The following PUM2 variants were observed in gnomAD, a reference collection of about 807,000 sequenced individuals.
PUM2 encodes pumilio RNA binding family member 2.
A neutral mutation model predicts 124.5 loss-of-function variants in PUM2; 57 were observed. The observed-to-expected ratio is 0.46, with a 90% CI of 0.37 to 0.57. The LOEUF (loss-of-function observed/expected upper bound fraction) is 0.57. PUM2 is among the 20% of genes least tolerant of loss of function. The probability of loss-of-function intolerance (pLI) is 0.00; values close to 1 mark genes in which losing one functional copy is unlikely to be tolerated. For synonymous variants in PUM2, 460 were observed against 446.1 expected (o/e 1.03, Z -0.39); for missense variants, 1,065 against 1,290.6 (o/e 0.83, Z 2.68).
intron 13 of PUM2, among the ~76,000 whole-genome samples, chr2:20,270,870 G>C (rs1032390062): frequency 1.3e-5 from 2 of 151,982 alleles, no homozygotes; most frequent in Non-Finnish European, 2.9e-5. Flanking sequence ...TAATCTAGTG[G>C]AGAAAATAAA....
Position 20,256,036 on chromosome 2 carries a change from T to C in PUM2, c.2619A>G (p.Gly873=), listed in dbSNP as rs1440911636. 1 of 1,548,578 alleles carries C rather than the reference T, an allele frequency of 6.5e-7. No individual in the cohort carries two copies. The highest frequency in any genetic ancestry group is 1.4e-5 in the African/African-American group (1 of 70,678). Residue 873 remains glycine, a synonymous_variant, in exon 17 of 21, where the codon GGA becomes GGG. Coordinates refer to ENST00000361078, the MANE Select transcript of PUM2 (RefSeq NM_015317.5). ...ATAAGCCAAAACTCAAACATACTTG[T>C]CCCTTGAAAGCATCAATGATGAACT... ...SLQFIIDAFK[G]QVFVLSTHPY... is the part of the protein sequence containing the mutation.
chr2:20,341,966 C>T (rs558881609), intron 1 of PUM2, among the ~76,000 whole-genome samples: 1 of 151,814 alleles, frequency 6.6e-6, no homozygotes, highest in African/African-American at 2.4e-5. Flanking sequence ...GCCGTCTCTA[C>T]TAAAATATAA....
At chr2:20,334,917 A>G (rs1455363058) in intron 1 of PUM2, among the ~76,000 whole-genome samples, 1 of 152,188 alleles carries the variant, frequency 6.6e-6, no homozygotes, top group Non-Finnish European at 1.5e-5. Context: ...TAAGCTTCTT[A>G]GGACATATTC....
intron 20 of PUM2, 134 bp from the exon 21 acceptor site, chr2:20,251,850 T>G (rs1415858492): frequency 2.7e-6 from 3 of 1,124,330 alleles, no homozygotes; most frequent in Non-Finnish European, 3.7e-6. Flanking sequence ...GAAAGCTACT[T>G]TTTGCAAAAG....
intron 4 of PUM2, 130 bp downstream of exon 4, chr2:20,312,106 C>A (rs1240874685): frequency 1.4e-5 from 11 of 792,942 alleles, no homozygotes; most frequent in Non-Finnish European, 3.8e-6. Flanking sequence ...AGAAGAATAG[C>A]AATAATAGTT....
chr2:20,265,868 C>A (rs988642958), intron 13 of PUM2, among the ~76,000 whole-genome samples: 6 of 143,844 alleles, frequency 4.2e-5, no homozygotes, highest in African/African-American at 1.5e-4. Context: ...ACCTCAAACA[C>A]CCTTAATGCA....
intron 2 of PUM2, among the ~76,000 whole-genome samples, chr2:20,324,132 A>G (rs1683094575): frequency 6.6e-6 from 1 of 152,180 alleles, no homozygotes; most frequent in Admixed American, 6.5e-5. Flanking sequence ...AAGAGCTTAT[A>G]TTAAAGCAAG....
intron 16 of PUM2, among the ~76,000 whole-genome samples, chr2:20,257,419 C>T (rs1665078206): frequency 6.6e-6 from 1 of 152,152 alleles, no homozygotes; most frequent in Non-Finnish European, 1.5e-5. Flanking sequence ...TCTTTCCAAA[C>T]TTAAACTACC....
intron 10 of PUM2, among the ~76,000 whole-genome samples, chr2:20,287,936 A>C (rs528392542): frequency 4.5e-4 from 69 of 152,352 alleles, no homozygotes; most frequent in African/African-American, 1.4e-3. Context: ...AGTGCCTGCA[A>C]CATAAAAGTA....
In PUM2 at chr2:20,338,887, A is replaced by G. The variant is rs534259745; in HGVS notation, c.-18-11509T>C. 8.5e-5 allele frequency among the ~76,000 whole-genome samples: 13 copies of G among 152,346 alleles called. No homozygotes were observed. In the South Asian group the frequency reaches 2.7e-3, roughly 32 times the overall value. On this transcript the variant is annotated intron_variant, in intron 1 of 20. Transcript: ENST00000361078. ...GGTCGCACCTAGAAAAAGGATATGC[A>G]TGATTTTTACATTACATTTTATAGT...
intron 2 of PUM2, among the ~76,000 whole-genome samples, chr2:20,319,555 T>A (rs1681805867): frequency 6.6e-6 from 1 of 152,218 alleles, no homozygotes; most frequent in Non-Finnish European, 1.5e-5. Context: ...CATGGTCTGC[T>A]CACCTTTAGA....
rs1374328790 is a variant in PUM2, at chr2:20,338,108, T to C, written c.-18-10730A>G. ...TCACTCAAGCTAATGCCAATTACGCTACTCTCTAAAAGACGTGGTGGCTCA... is the reference window on the plus strand; with the variant it reads ...TCACTCAAGCTAATGCCAATTACGCCACTCTCTAAAAGACGTGGTGGCTCA... On this transcript the variant is annotated intron_variant, in intron 1 of 20. Transcript: ENST00000361078. 2.0e-5 allele frequency among the ~76,000 whole-genome samples: 3 copies of C among 152,112 alleles called. No individual in the cohort carries two copies. The East Asian group carries it at 5.8e-4, about 29-fold the overall frequency.
Position 20,258,300 on chromosome 2 carries a change from C to T in PUM2, c.2427G>A (p.Gln809=). The part of the protein sequence containing the change: ...IRGHVLPLAL[Q]MYGCRVIQKA... The stretch of plus-strand genomic sequence containing the variant: ...TCTGAATAACGCGGCAGCCATACAT[C>T]TGCAAGGCTAAGGGTAGAACATGAC... The change falls in exon 16 of 21, where the codon CAG becomes CAA. Residue 809 remains glutamine (Q), a synonymous_variant. Transcript: ENST00000361078. The T allele has an allele frequency of 6.2e-7, 1 of 1,612,284 alleles. No homozygotes were observed. The highest frequency in any genetic ancestry group is 8.5e-7 in the Non-Finnish European group (1 of 1,178,690).
chr2:20,340,243 T>C (rs1686970269), intron 1 of PUM2, among the ~76,000 whole-genome samples: 1 of 152,230 alleles, frequency 6.6e-6, no homozygotes, highest in Non-Finnish European at 1.5e-5. Context: ...GGTGAAAATA[T>C]GCCAGTTCTA....
intron 10 of PUM2, among the ~76,000 whole-genome samples, chr2:20,287,877 AG>A (rs1185673297): frequency 6.6e-6 from 1 of 152,246 alleles, no homozygotes; most frequent in Non-Finnish European, 1.5e-5. Flanking sequence ...AACAGTAGAC[AG>A]GAAAATTTGG....
chr2:20,295,277 T>C (rs985615931), intron 8 of PUM2, among the ~76,000 whole-genome samples: 4 of 152,202 alleles, frequency 2.6e-5, no homozygotes, highest in African/African-American at 9.6e-5. Flanking sequence ...ACCATTAAAG[T>C]AATGAATAAA....
intron 5 of PUM2, among the ~76,000 whole-genome samples, chr2:20,310,534 C>G (rs946484435): frequency 4.6e-5 from 7 of 151,874 alleles, no homozygotes; most frequent in African/African-American, 1.4e-4. Flanking sequence ...AGAACAAACT[C>G]GAAATAAATT....
intron 1 of PUM2, among the ~76,000 whole-genome samples, chr2:20,332,266 T>C (rs1437219584): frequency 6.7e-6 from 1 of 148,852 alleles, no homozygotes; most frequent in Non-Finnish European, 1.5e-5. Context: ...TTCAACTTTT[T>C]CACTTATACT....
Position 20,254,848 on chromosome 2 carries a change from A to C in PUM2, c.2870+15T>G, listed in dbSNP as rs1458573872. Reference sequence around the variant, plus strand: ...TGAAAGAATTGACCCTTAAAATTACAAAGTATTACAATACCTGGCAAATTT... The same window carrying C: ...TGAAAGAATTGACCCTTAAAATTACCAAGTATTACAATACCTGGCAAATTT... On this transcript the variant is annotated intron_variant, in intron 19 of 20. Transcript: ENST00000361078. The C allele has an allele frequency of 6.2e-7, 1 of 1,608,434 alleles. No individual in the cohort carries two copies. Among genetic ancestry groups the C allele is most frequent in the African/African-American group, 1.3e-5 (1 of 74,578 alleles).
Sources: allele counts gnomAD v4.1 joint callset (sites outside exome capture counted in the v4.1 genomes callset), GRCh38; gene constraint gnomAD v4.1.1; transcripts MANE v1.5; gene names NCBI Gene and HGNC (gene_info 2026-07-23, HGNC 2026-07-21).